Variants in CTNNA2 observed in about 807,000 individuals in gnomAD.
CTNNA2 encodes the protein catenin alpha 2.
A neutral mutation model predicts 101.0 loss-of-function variants in CTNNA2; 42 were observed. The ratio of observed to expected loss-of-function variants is 0.42; its 90% confidence interval spans 0.32 to 0.54. CTNNA2 has a LOEUF of 0.54. Ranked by LOEUF, CTNNA2 falls within the 20% of genes least tolerant of loss-of-function variation. The pLI, the probability that CTNNA2 is intolerant of heterozygous loss-of-function variation, is 0.14. For synonymous variants in CTNNA2, 450 were observed against 456.4 expected, an observed-to-expected ratio of 0.99 and a Z score of 0.18; for missense variants, 871 against 1,223.1, an observed-to-expected ratio of 0.71 and a Z score of 4.29.
At chr2:79,565,250 GA>G (rs34257991) in intron 1 of CTNNA2, among the ~76,000 whole-genome samples, 96,877 of 148,370 alleles carry the variant, frequency 0.65, 31,502 homozygotes, top group Non-Finnish European at 0.67. Context: ...GGGTGAAAAG[GA>G]AAAAAAAAAA....
chr2:80,631,633 C>G (rs1437100037), intron 18 of CTNNA2, among the ~76,000 whole-genome samples: 1 of 152,040 alleles, frequency 6.6e-6, no homozygotes, highest in African/African-American at 2.4e-5. Context: ...TCCAATTAGG[C>G]CAAGCCCTGG....
chr2:80,232,359 T>G (rs1027392151), intron 7 of CTNNA2, among the ~76,000 whole-genome samples: 36 of 17,708 alleles, frequency 2.0e-3, no homozygotes, highest in African/African-American at 8.0e-3. Context: ...TTTTTTTTTT[T>G]TTTTTTTTTT....
chr2:80,641,765 G>C (rs942701645), intron 18 of CTNNA2, among the ~76,000 whole-genome samples: 1 of 133,884 alleles, frequency 7.5e-6, no homozygotes, highest in African/African-American at 2.8e-5. Context: ...TTATATCTTA[G>C]ATTATTAAAA....
intron 4 of CTNNA2, among the ~76,000 whole-genome samples, chr2:79,402,882 G>T (rs975873387): frequency 6.6e-6 from 1 of 151,578 alleles, no homozygotes; most frequent in East Asian, 1.9e-4. Context: ...GATAGTAAAA[G>T]AAATTGCTTA....
At chr2:80,238,038 C>T (rs1031386544) in intron 7 of CTNNA2, among the ~76,000 whole-genome samples, 3 of 151,352 alleles carry the variant, frequency 2.0e-5, no homozygotes, top group Non-Finnish European at 4.4e-5. Flanking sequence ...GTATCTGTGC[C>T]GTCCAAGGAC....
intron 7 of CTNNA2, among the ~76,000 whole-genome samples, chr2:80,014,859 G>A (rs1694031511): frequency 6.6e-6 from 1 of 152,210 alleles, no homozygotes; most frequent in Non-Finnish European, 1.5e-5. Context: ...TTCAGCCAAT[G>A]TGTACATTCT....
chr2:80,019,222 A>T (rs538899779), intron 7 of CTNNA2, among the ~76,000 whole-genome samples: 2 of 152,198 alleles, frequency 1.3e-5, no homozygotes, highest in African/African-American at 4.8e-5. Flanking sequence ...CCAATACCCC[A>T]TGGATACTGA....
chr2:80,075,437 T>C (rs908286758), intron 7 of CTNNA2, among the ~76,000 whole-genome samples: 1 of 151,792 alleles, frequency 6.6e-6, no homozygotes, highest in Admixed American at 6.6e-5. Context: ...AAGGTGATAA[T>C]AGCGTCTACC....
chr2:79,742,389 T>C (rs80214890), intron 2 of CTNNA2, among the ~76,000 whole-genome samples: 3 of 152,292 alleles, frequency 2.0e-5, no homozygotes, highest in Non-Finnish European at 4.4e-5. Context: ...GAATTATGCA[T>C]AAAGTGAAAA....
chr2:79,480,329 G>T (rs1375457975), intron 4 of CTNNA2, among the ~76,000 whole-genome samples: 1 of 151,998 alleles, frequency 6.6e-6, no homozygotes, highest in Non-Finnish European at 1.5e-5. Flanking sequence ...AGATTTGGAG[G>T]GGTCAAACAA....
At chr2:79,914,400 T>C (rs1686039090) in intron 7 of CTNNA2, among the ~76,000 whole-genome samples, 1 of 152,190 alleles carries the variant, frequency 6.6e-6, no homozygotes, top group Non-Finnish European at 1.5e-5. Context: ...CTACTTATTC[T>C]AGGTACTAAA....
intron 7 of CTNNA2, among the ~76,000 whole-genome samples, chr2:80,249,559 C>G (rs770297864): frequency 6.6e-6 from 1 of 152,136 alleles, no homozygotes; most frequent in African/African-American, 2.4e-5. Flanking sequence ...CACCAACAAA[C>G]TACTATTATT....
chr2:80,639,115 C>A (rs540755332), intron 18 of CTNNA2, among the ~76,000 whole-genome samples: 27 of 152,318 alleles, frequency 1.8e-4, no homozygotes, highest in African/African-American at 6.5e-4. Context: ...TTTACAAGAT[C>A]CTGTTATCAA....
chr2:80,023,406 T>C lies in CTNNA2; in HGVS notation c.1056+113609T>C, dbSNP rs143738259. Among the ~76,000 whole-genome samples, 430 of 152,284 alleles carry C rather than the reference T, an allele frequency of 2.8e-3. 2 individuals are homozygous for C. The highest frequency in any genetic ancestry group is 9.5e-3 in the African/African-American group (396 of 41,564). On this transcript the variant is annotated intron_variant, in intron 7 of 18. Coordinates refer to ENST00000402739, the MANE Select transcript of CTNNA2 (RefSeq NM_001282597.3). ...TATTATTTCTGCAATTAGTTCCTGA[T>C]TGAAGTTTCTACTGACCAAGGGGCC...
intron 7 of CTNNA2, among the ~76,000 whole-genome samples, chr2:80,009,144 C>A (rs1366607869): frequency 6.6e-6 from 1 of 152,166 alleles, no homozygotes; most frequent in Non-Finnish European, 1.5e-5. Flanking sequence ...TGATCCAAAG[C>A]TTACCTGAGT....
chr2:79,238,681 A>C (rs1016941872), intron 2 of CTNNA2, among the ~76,000 whole-genome samples: 7 of 152,226 alleles, frequency 4.6e-5, no homozygotes, highest in Non-Finnish European at 1.0e-4. Flanking sequence ...GAAATAGATA[A>C]GCATAAGAAA....
At chr2:80,052,077 AT>A (rs1220155926) in intron 7 of CTNNA2, among the ~76,000 whole-genome samples, 1 of 152,186 alleles carries the variant, frequency 6.6e-6, no homozygotes, top group African/African-American at 2.4e-5. Flanking sequence ...AAGGTATTCA[AT>A]TAGAATGTGA....
chr2:79,967,363 A>C (rs947476241), intron 7 of CTNNA2, among the ~76,000 whole-genome samples: 1 of 152,126 alleles, frequency 6.6e-6, no homozygotes, highest in East Asian at 1.9e-4. Flanking sequence ...ATGCACCTGC[A>C]GGTCCTGTAG....
intron 8 of CTNNA2, among the ~76,000 whole-genome samples, chr2:80,398,915 T>C (rs925955994): frequency 6.6e-6 from 1 of 151,130 alleles, no homozygotes; most frequent in East Asian, 2.0e-4. Context: ...AAAATTAGAA[T>C]CAAAAATACC....
Sources: allele counts gnomAD v4.1 joint callset (sites outside exome capture counted in the v4.1 genomes callset), GRCh38; gene constraint gnomAD v4.1.1; transcripts MANE v1.5; gene names NCBI Gene and HGNC (gene_info 2026-07-23, HGNC 2026-07-21).